AK4: variants seen among roughly 807,000 people sequenced by gnomAD.
AK4 encodes the protein adenylate kinase 4, mitochondrial.
In AK4, 13 loss-of-function variants were observed where a neutral mutation model predicts 24.6. The ratio of observed to expected loss-of-function variants is 0.53; its 90% confidence interval spans 0.34 to 0.84. AK4 has a LOEUF of 0.84. Ranked by LOEUF, AK4 falls within the 40% of genes least tolerant of loss-of-function variation. The pLI, the probability that AK4 is intolerant of heterozygous loss-of-function variation, is 0.01. For missense variants in AK4, 192 were observed against 288.2 expected (o/e 0.67, Z 2.42); for synonymous variants, 88 against 107.0 (o/e 0.82, Z 1.10).
rs1019386075 is a variant in AK4, at chr1:65,148,372, G to A, written c.-36G>A. On this transcript the variant is annotated 5_prime_UTR_variant, in exon 1 of 5. Transcript: ENST00000327299. ...GGCTTCCTCCGGGGCCGCGGTCGGG[G>A]CTGCGCGTTTGACCGCCCCCCTCCT... 3 of 1,519,274 alleles carry A rather than the reference G, an allele frequency of 2.0e-6. No homozygotes were observed. The highest frequency in any genetic ancestry group is 4.3e-5 in the Admixed American group (2 of 46,154). 94.1% of individuals were successfully genotyped at this position (1,519,274 alleles called of 1,614,324 possible).
Position 65,225,719 on chromosome 1 carries a change from G to C in AK4, c.558-344G>C, listed in dbSNP as rs1652433951. ...TACATCAATTATGTATTCCATGATT[G>C]ACTAAGTAATATAGGTTTTAGTAAA... On this transcript the variant is annotated intron_variant, in intron 4 of 4. Coordinates refer to ENST00000327299, the MANE Select transcript of AK4 (RefSeq NM_013410.4). Among the ~76,000 whole-genome samples, 5 of 152,238 alleles carry C rather than the reference G, an allele frequency of 3.3e-5. 1 individual carries two copies. In the South Asian group the frequency reaches 1.0e-3, roughly 32 times the overall value.
intron 1 of AK4, among the ~76,000 whole-genome samples, chr1:65,178,828 T>C (rs1650807366): frequency 6.6e-6 from 1 of 151,894 alleles, no homozygotes; most frequent in African/African-American, 2.4e-5. Context: ...AGACAAGGGG[T>C]CAAAGGATGA....
intron 1 of AK4, among the ~76,000 whole-genome samples, chr1:65,177,260 ATAT>A (rs2101019875): frequency 6.6e-6 from 1 of 152,366 alleles, no homozygotes; most frequent in South Asian, 2.1e-4. Context: ...TGCCACGAGC[ATAT>A]TAGTCTAATA....
intron 1 of AK4, among the ~76,000 whole-genome samples, chr1:65,175,767 C>T (rs558388747): frequency 2.2e-4 from 34 of 152,220 alleles, no homozygotes; most frequent in African/African-American, 7.7e-4. Flanking sequence ...CTTGAGGAGA[C>T]GGTTAAACAT....
At chr1:65,211,375 A>G (rs142789099) in intron 2 of AK4, among the ~76,000 whole-genome samples, 319 of 152,394 alleles carry the variant, frequency 2.1e-3, no homozygotes, top group African/African-American at 7.5e-3. Context: ...TACAAGATTT[A>G]GATTTCTCAA....
intron 1 of AK4, among the ~76,000 whole-genome samples, chr1:65,150,982 C>T (rs1649752516): frequency 6.6e-6 from 1 of 151,960 alleles, no homozygotes; most frequent in African/African-American, 2.4e-5. Flanking sequence ...TGAGACGAGT[C>T]TCGTTCTGTC....
intron 1 of AK4, among the ~76,000 whole-genome samples, chr1:65,153,032 C>G (rs776318814): frequency 4.6e-5 from 7 of 152,112 alleles, no homozygotes; most frequent in Non-Finnish European, 1.0e-4. Context: ...CATTTCCCCC[C>G]CTAGCTGGGT....
At chr1:65,208,908 C>G (rs942454743) in intron 2 of AK4, among the ~76,000 whole-genome samples, 3 of 152,146 alleles carry the variant, frequency 2.0e-5, no homozygotes, top group Non-Finnish European at 4.4e-5. Flanking sequence ...GAGCAGGTGC[C>G]AAGGCCCAGT....
intron 2 of AK4, among the ~76,000 whole-genome samples, chr1:65,202,868 T>A (rs1229813371): frequency 3.4e-5 from 4 of 118,706 alleles, no homozygotes; most frequent in Admixed American, 2.5e-4. Flanking sequence ...TGTGTAGTCT[T>A]TTTTTTTTTT....
chr1:65,225,342 A>G (rs1652420844), intron 4 of AK4, among the ~76,000 whole-genome samples: 1 of 152,158 alleles, frequency 6.6e-6, no homozygotes, highest in Non-Finnish European at 1.5e-5. Context: ...TAGGGCAGGT[A>G]TTGGAAATGA....
intron 1 of AK4, among the ~76,000 whole-genome samples, chr1:65,167,583 T>A (rs1018176573): frequency 1.3e-5 from 2 of 152,160 alleles, no homozygotes; most frequent in Non-Finnish European, 2.9e-5. Flanking sequence ...CAGTTCTGTT[T>A]TGGTTTTCTA....
At position 65,148,268 on chromosome 1, in the gene AK4, C is replaced by T. The variant is rs1370250919; in HGVS notation, c.-140C>T. On this transcript the variant is annotated 5_prime_UTR_variant, in exon 1 of 5. Coordinates refer to ENST00000327299, the MANE Select transcript of AK4 (RefSeq NM_013410.4). ...GGGGTTGTCTTAAAAGTCTCTCCTT[C>T]CCCCTGTAGGGGCGGCCGGCGAGTC... is the stretch of plus-strand genomic sequence containing the variant. 7.9e-6 allele frequency: 10 copies of T among 1,258,300 alleles called. No homozygotes were observed. The highest frequency in any genetic ancestry group is 1.6e-5 in the South Asian group (1 of 62,700). The allele number at this position is 1,258,300 out of a possible 1,614,324, so 77.9% of individuals were successfully genotyped here. A position where few individuals can be genotyped will look rare whatever the true frequency, so the allele number is the denominator to read the frequency against.
intron 2 of AK4, among the ~76,000 whole-genome samples, chr1:65,202,820 A>C (rs1651701204): frequency 6.6e-6 from 1 of 151,736 alleles, no homozygotes; most frequent in South Asian, 2.1e-4. Context: ...TGGGTTTATG[A>C]ATCAGACCTG....
chr1:65,156,367 A>G (rs1649984604), intron 1 of AK4, among the ~76,000 whole-genome samples: 1 of 152,012 alleles, frequency 6.6e-6, no homozygotes, highest in South Asian at 2.1e-4. Context: ...TTTTTAATGT[A>G]CACATTTGTT....
chr1:65,198,221 G>A (rs559278136), intron 2 of AK4, among the ~76,000 whole-genome samples: 1 of 152,310 alleles, frequency 6.6e-6, no homozygotes, highest in African/African-American at 2.4e-5. Flanking sequence ...CAATTGTGGT[G>A]ATTTCTAAAG....
intron 1 of AK4, among the ~76,000 whole-genome samples, chr1:65,152,039 TAC>T (rs35465649): frequency 2.6e-5 from 4 of 151,584 alleles, no homozygotes; most frequent in Non-Finnish European, 2.9e-5. Context: ...TGTATGAGTA[TAC>T]ACACACACAC....
intron 1 of AK4, among the ~76,000 whole-genome samples, chr1:65,189,255 T>A (rs773185611): frequency 6.6e-6 from 1 of 150,716 alleles, no homozygotes; most frequent in Non-Finnish European, 1.5e-5. Context: ...TTTAAAAAAC[T>A]GAATTGGTCT....
At chr1:65,185,237 C>G (rs1651057910) in intron 1 of AK4, among the ~76,000 whole-genome samples, 1 of 152,160 alleles carries the variant, frequency 6.6e-6, no homozygotes. Flanking sequence ...ACGTAAGGCC[C>G]CGTGCGTAGT....
intron 1 of AK4, among the ~76,000 whole-genome samples, chr1:65,169,059 C>G (rs1650424220): frequency 6.6e-6 from 1 of 151,526 alleles, no homozygotes; most frequent in Admixed American, 6.6e-5. Flanking sequence ...CCCGGTAGTC[C>G]CAGCTACTAG....
Sources: gnomAD v4.1 joint callset for allele counts (sites outside exome capture counted in the v4.1 genomes callset) on GRCh38, gnomAD v4.1.1 for gene constraint, MANE v1.5 for transcripts, NCBI Gene and HGNC (gene_info 2026-07-23, HGNC 2026-07-21) for gene names.